CELA2A: variants seen among roughly 807,000 people sequenced by gnomAD.
CELA2A encodes the protein chymotrypsin-like elastase family member 2A.
CELA2A carries 31 observed loss-of-function variants against 35.3 expected under a neutral mutation model. That is an observed-to-expected ratio of 0.88 (90% CI 0.66 to 1.19). The LOEUF is 1.19. Ranked by LOEUF, CELA2A falls within the 50% of genes most tolerant of loss-of-function variation. The pLI, the probability that CELA2A is intolerant of heterozygous loss-of-function variation, is 0.00. For missense variants in CELA2A, 330 were observed against 352.9 expected (o/e 0.94, Z 0.52); for synonymous variants, 150 against 149.8 (o/e 1.00, Z -0.01).
rs1247496109 is a variant in CELA2A at position 15,461,655 on chromosome 1, T to C, written c.224T>C (p.Ile75Thr). 1 of 1,613,942 alleles carries C rather than the reference T, an allele frequency of 6.2e-7. No homozygotes were observed. The highest frequency in any genetic ancestry group is 8.5e-7 in the Non-Finnish European group (1 of 1,179,974). Residue 75 changes from isoleucine to threonine, a missense_variant, in exon 3 of 8, where the codon ATC becomes ACC. Ile to Thr is a moderately conservative substitution (Grantham distance 89). Coordinates refer to ENST00000359621, the MANE Select transcript of CELA2A (RefSeq NM_033440.3). Reference protein sequence around the residue: ...NSWVLTAAHCISSSRTYRVGL... With the variant: ...NSWVLTAAHCTSSSRTYRVGL... ...TGGGTCCTGACGGCTGCCCACTGCA[T>C]CAGGTAACTGCCTTTCCCTGGGCGC... is the stretch of plus-strand genomic sequence containing the variant.
chr1:15,457,598 A>ATGT, intron 2 of CELA2A: 1 of 154,480 alleles, frequency 6.5e-6, no homozygotes, highest in Non-Finnish European at 1.4e-5. Context: ...CAACAAAGCA[A>ATGT]GACTCTGTCT....
chr1:15,469,359 C>T (rs1213659338), intron 7 of CELA2A, among the ~76,000 whole-genome samples: 3 of 152,120 alleles, frequency 2.0e-5, no homozygotes, highest in Admixed American at 6.6e-5. Flanking sequence ...ACAATTTAGG[C>T]GCTAGAGCAA....
chr1:15,461,404 T>G (rs1708431724), intron 2 of CELA2A, among the ~76,000 whole-genome samples, 157 bp from the exon 3 acceptor site: 1 of 152,204 alleles, frequency 6.6e-6, no homozygotes, highest in South Asian at 2.1e-4. Flanking sequence ...TTTTTTATCT[T>G]GATGGCTGAG....
chr1:15,471,898 G>GAC lies in CELA2A; in HGVS notation c.793-91_793-90insCA, dbSNP rs1365937412. 30 of 1,519,692 alleles carry GAC rather than the reference G, an allele frequency of 2.0e-5. No individual in the cohort carries two copies. The African/African-American group carries it at 3.7e-4, about 19-fold the overall frequency. 94.1% of individuals were successfully genotyped at this position (1,519,692 alleles called of 1,614,324 possible). A position where few individuals can be genotyped will look rare whatever the true frequency, so the allele number is the denominator to read the frequency against. ...AGTGTGGGCTGCCTGTAACTCACAT[G>GAC]AGTAGCTTAGCCCAGGAGGACAGAG... On this transcript the variant is annotated intron_variant, in intron 7 of 7. Transcript: ENST00000359621.
At chr1:15,470,301 G>T (rs142779898) in intron 7 of CELA2A, among the ~76,000 whole-genome samples, 2 of 152,192 alleles carry the variant, frequency 1.3e-5, no homozygotes, top group Non-Finnish European at 2.9e-5. Flanking sequence ...CACCTGCCTG[G>T]ATAAACCCAG....
At position 15,462,819 on chromosome 1, in the gene CELA2A, T is replaced by C. The variant is rs1207201429; in HGVS notation, c.314T>C (p.Ile105Thr). The C allele has an allele frequency of 1.3e-5, 21 of 1,613,986 alleles. No homozygotes were observed. Among genetic ancestry groups the C allele is most frequent in the Non-Finnish European group, 1.6e-5 (19 of 1,179,956 alleles). ...TCGCTGGCAGTCAGTGTCTCTAAGA[T>C]TGTGGTGCACAAGGACTGGAACTCC... ...SGSLAVSVSK[I>T]VVHKDWNSNQ... is the part of the protein sequence containing the mutation. The change falls in exon 4 of 8, where the codon ATT becomes ACT. Residue 105 changes from isoleucine to threonine, a missense_variant. Coordinates refer to ENST00000359621, the MANE Select transcript of CELA2A (RefSeq NM_033440.3).
intron 3 of CELA2A, among the ~76,000 whole-genome samples, chr1:15,462,370 TCTCTGGGC>T (rs1273050252): frequency 6.6e-6 from 1 of 152,156 alleles, no homozygotes; most frequent in Non-Finnish European, 1.5e-5. Flanking sequence ...AGGTTACGCC[TCTCTGGGC>T]CTCAGTTTCC....
At position 15,457,186 on chromosome 1, in the gene CELA2A, A is replaced by G. The variant is rs765573634; in HGVS notation, c.129+12A>G. 1 of 1,613,048 alleles carries G rather than the reference A, an allele frequency of 6.2e-7. No individual in the cohort carries two copies. Among genetic ancestry groups the G allele is most frequent in the South Asian group, 1.1e-5 (1 of 91,054 alleles). On this transcript the variant is annotated intron_variant, in intron 2 of 7. Transcript: ENST00000359621. ...GCTGGCCCTGGCAGGTGAGTTGACCACACTGTACTTCTCCCCGTCCCTGCC... is the reference window on the plus strand; with the variant it reads ...GCTGGCCCTGGCAGGTGAGTTGACCGCACTGTACTTCTCCCCGTCCCTGCC...
chr1:15,466,212 A>C (rs1201057119), intron 6 of CELA2A, 68 bp downstream of exon 6: 6 of 1,536,872 alleles, frequency 3.9e-6, no homozygotes, highest in Non-Finnish European at 5.4e-6. Flanking sequence ...ATAGAGGTCC[A>C]TCCCTCCATA....
In CELA2A at chr1:15,456,787, G is replaced by T; in HGVS notation, c.34G>T (p.Ala12Ser). The change falls in exon 1 of 8, where the codon GCT (alanine) becomes TCT (serine). Residue 12 changes from alanine to serine, a missense_variant. Ala to Ser is a moderately conservative substitution (Grantham distance 99). Transcript: ENST00000359621. ...IRTLLLSTLVAGALSCGDPTY... is the reference protein window; with the variant it reads ...IRTLLLSTLVSGALSCGDPTY... ...GACGCTGCTGCTGTCCACTTTGGTGGCTGGAGGTAAGTCCTGTTACCCAGA... is the reference window on the plus strand; with the variant it reads ...GACGCTGCTGCTGTCCACTTTGGTGTCTGGAGGTAAGTCCTGTTACCCAGA... 1 of 1,614,174 alleles carries T rather than the reference G, an allele frequency of 6.2e-7. No homozygotes were observed. Among genetic ancestry groups the T allele is most frequent in the Non-Finnish European group, 8.5e-7 (1 of 1,180,030 alleles).
chr1:15,469,724 TA>T (rs1231890324), intron 7 of CELA2A, among the ~76,000 whole-genome samples: 1 of 152,188 alleles, frequency 6.6e-6, no homozygotes, highest in Admixed American at 6.5e-5. Flanking sequence ...GGTGCTTTTT[TA>T]TATCTAAATT....
At chr1:15,462,707 C>T (rs1708452289) in intron 3 of CELA2A, 26 bp from the exon 4 acceptor site, 1 of 1,613,192 alleles carries the variant, frequency 6.2e-7, no homozygotes, top group Admixed American at 1.7e-5. Flanking sequence ...GGAGGTGACC[C>T]TCTCCCTGGG....
At chr1:15,463,943 T>C (rs1708476637) in intron 5 of CELA2A, among the ~76,000 whole-genome samples, 1 of 150,908 alleles carries the variant, frequency 6.6e-6, no homozygotes, top group Admixed American at 6.6e-5. Context: ...TCCCAGCTAC[T>C]CAGGAGGCTG....
intron 6 of CELA2A, 24 bp from the exon 7 acceptor site, chr1:15,467,362 G>C (rs1708532219): frequency 3.1e-6 from 5 of 1,610,264 alleles, no homozygotes; most frequent in Non-Finnish European, 3.4e-6. Flanking sequence ...CCCTTTACCT[G>C]CCTATAACTC....
chr1:15,465,844 C>A, intron 5 of CELA2A, 155 bp from the exon 6 acceptor site: 1 of 860,432 alleles, frequency 1.2e-6, no homozygotes, highest in Non-Finnish European at 1.8e-6. Flanking sequence ...CACTGCTGAA[C>A]CAATCAACCG....
chr1:15,460,319 G>T (rs1376073481), intron 2 of CELA2A, among the ~76,000 whole-genome samples: 2 of 136,970 alleles, frequency 1.5e-5, no homozygotes, highest in African/African-American at 5.4e-5. Context: ...TGGGGGGGGG[G>T]TACATCCTTT....
chr1:15,470,669 C>G (rs958860976), intron 7 of CELA2A, among the ~76,000 whole-genome samples: 4 of 152,142 alleles, frequency 2.6e-5, no homozygotes, highest in Non-Finnish European at 4.4e-5. Context: ...CAACCTCCAC[C>G]TCCCGGGTTC....
At chr1:15,459,725 G>A (rs1014258305) in intron 2 of CELA2A, among the ~76,000 whole-genome samples, 2 of 152,102 alleles carry the variant, frequency 1.3e-5, no homozygotes, top group Non-Finnish European at 2.9e-5. Context: ...TTGTGCTTCT[G>A]TTTCCCTGCG....
chr1:15,463,872 G>A (rs1396847549), intron 5 of CELA2A, among the ~76,000 whole-genome samples: 5 of 151,254 alleles, frequency 3.3e-5, no homozygotes, highest in Non-Finnish European at 5.9e-5. Flanking sequence ...GAGAAACTCT[G>A]TCTCTACTAA....
Sources: allele counts gnomAD v4.1 joint callset (sites outside exome capture counted in the v4.1 genomes callset), GRCh38; gene constraint gnomAD v4.1.1; transcripts MANE v1.5; gene names NCBI Gene and HGNC (gene_info 2026-07-23, HGNC 2026-07-21).